The following PRKDC variants were observed in gnomAD, a reference collection of about 807,000 sequenced individuals.
PRKDC encodes the protein DNA-dependent protein kinase catalytic subunit.
A neutral mutation model predicts 486.9 loss-of-function variants in PRKDC; 82 were observed. The observed-to-expected ratio is 0.17, with a 90% CI of 0.14 to 0.20. The LOEUF is 0.20. Ranked by LOEUF, PRKDC falls within the 10% of genes least tolerant of loss-of-function variation. PRKDC has a pLI of 1.00. For synonymous variants in PRKDC, 1,895 were observed against 1,837.0 expected, an observed-to-expected ratio of 1.03 and a Z score of -0.81; for missense variants, 4,504 against 5,038.2, an observed-to-expected ratio of 0.89 and a Z score of 3.21.
chr8:47,892,376 G>C (rs532942610), intron 31 of PRKDC, among the ~76,000 whole-genome samples: 1 of 152,182 alleles, frequency 6.6e-6, no homozygotes, highest in East Asian at 1.9e-4. Context: ...TATCGCCCAG[G>C]CTAGAGTACA....
In PRKDC at chr8:47,782,916, C is replaced by T. The variant is rs2154497535; in HGVS notation, c.11176-318G>A. The T allele has an allele frequency of 2.7e-6, 1 of 369,790 alleles. No homozygotes were observed. The highest frequency in any genetic ancestry group is 5.0e-6 in the Non-Finnish European group (1 of 199,418). 22.9% of individuals were successfully genotyped at this position (369,790 alleles called of 1,614,324 possible). A position where few individuals can be genotyped will look rare whatever the true frequency, so the allele number is the denominator to read the frequency against. On this transcript the variant is annotated intron_variant, in intron 78 of 85. Transcript: ENST00000314191. The surrounding 1 kb of genome is among the most constrained non-coding windows in gnomAD (Gnocchi z 4.9). ...ATATTTTATAGTGGATACTCACACA[C>T]AGCTTACTCTTTGAGTTTATGATAT...
chr8:47,929,970 C>A lies in PRKDC; in HGVS notation c.1935G>T (p.Trp645Cys), dbSNP rs562724337. ...TTAATTCATATGAAAATGAGTACAC[C>A]CATGGTTCAAAAAATTCTGCTTGTT... The part of the protein sequence containing the change: ...PEKQAEFFEP[W>C]VYSFSYELIL... Residue 645 changes from tryptophan to cysteine, a missense_variant, in exon 18 of 86, where the codon TGG becomes TGT. By Grantham distance (215) the Trp-to-Cys change is radical (BLOSUM62 -2). This residue lies in a region of PRKDC where 1,969 missense variants were observed against 2,068.9 expected (regional missense o/e 0.95). Transcript: ENST00000314191. 10 of 1,607,580 alleles carry A rather than the reference C, an allele frequency of 6.2e-6. No individual in the cohort carries two copies. Among genetic ancestry groups the A allele is most frequent in the Non-Finnish European group, 8.5e-6 (10 of 1,178,042 alleles).
Position 47,955,963 on chromosome 8 carries a change from A to C in PRKDC, c.325-15T>G, listed in dbSNP as rs1563824072. On this transcript the variant is annotated splice_polypyrimidine_tract_variant and intron_variant, in intron 3 of 85. Coordinates refer to ENST00000314191, the MANE Select transcript of PRKDC (RefSeq NM_006904.7). ...GTACAAGTGTTCTAGGTTTTAAAAAAAAAATAACCAAAATCATCAATAAGA... is the reference window on the plus strand; with the variant it reads ...GTACAAGTGTTCTAGGTTTTAAAAACAAAATAACCAAAATCATCAATAAGA... 9 of 1,521,712 alleles carry C rather than the reference A, an allele frequency of 5.9e-6. No individual in the cohort carries two copies. Among genetic ancestry groups the C allele is most frequent in the Non-Finnish European group, 8.1e-6 (9 of 1,113,872 alleles). The allele number at this position is 1,521,712 out of a possible 1,614,324, so 94.3% of individuals were successfully genotyped here.
chr8:47,908,803 C>T (rs2089841313), intron 25 of PRKDC, among the ~76,000 whole-genome samples: 1 of 152,182 alleles, frequency 6.6e-6, no homozygotes, highest in South Asian at 2.1e-4. Context: ...TATACACAGA[C>T]AGATATGCTA....
rs2154500191 is a variant in PRKDC, at chr8:47,849,227, A to C, written c.7207T>G (p.Cys2403Gly). 9.3e-6 allele frequency: 15 copies of C among 1,614,028 alleles called. No individual in the cohort carries two copies. Among genetic ancestry groups the C allele is most frequent in the Non-Finnish European group, 1.3e-5 (15 of 1,179,902 alleles). The part of the protein sequence containing the change: ...LKTLCLEVVL[C>G]RVEGMTELYF... Reference sequence around the variant, plus strand: ...AGCTCTGTCATTCCCTCCACACGACAAAGTACCACCTCCAGACAGAGTGTT... The same window carrying C: ...AGCTCTGTCATTCCCTCCACACGACCAAGTACCACCTCCAGACAGAGTGTT... Residue 2403 changes from cysteine (C) to glycine (G), a missense_variant, in exon 54 of 86, where the codon TGT becomes GGT. This residue lies in a region of PRKDC where 1,592 missense variants were observed against 1,724.6 expected (regional missense o/e 0.92). Coordinates refer to ENST00000314191, the MANE Select transcript of PRKDC (RefSeq NM_006904.7).
intron 71 of PRKDC, among the ~76,000 whole-genome samples, chr8:47,800,227 G>C (rs1338585829): frequency 2.0e-5 from 3 of 151,846 alleles, no homozygotes; most frequent in Non-Finnish European, 4.4e-5. Context: ...AACAATGATA[G>C]ACTGGATTAA....
chr8:47,794,493 G>A lies in PRKDC; in HGVS notation c.10467C>T (p.Ser3489=), dbSNP rs760537334. 41 of 1,607,252 alleles carry A rather than the reference G, an allele frequency of 2.6e-5. No individual in the cohort carries two copies. Among genetic ancestry groups the A allele is most frequent in the Admixed American group, 1.8e-4 (11 of 59,844 alleles). Residue 3489 remains serine, a synonymous_variant, in exon 74 of 86, where the codon TCC becomes TCT. Coordinates refer to ENST00000314191, the MANE Select transcript of PRKDC (RefSeq NM_006904.7). ...AGCTGATGAACTGCCAGCAGGGAAC[G>A]GAAGAGATCTAAAACAGAGAGCTGA... is the stretch of plus-strand genomic sequence containing the variant. ...TLSLMTKEIS[S]VPCWQFISWI...
At chr8:47,774,497 G>GA in intron 85 of PRKDC, 120 bp from the exon 86 acceptor site, 2 of 961,160 alleles carry the variant, frequency 2.1e-6, no homozygotes, top group Non-Finnish European at 3.0e-6. Context: ...TATTTTCTGT[G>GA]GCTTATAACC....
At chr8:47,957,535 G>A in intron 1 of PRKDC, 104 bp from the exon 2 acceptor site, 2 of 979,450 alleles carry the variant, frequency 2.0e-6, no homozygotes, top group Non-Finnish European at 3.0e-6. Flanking sequence ...TTTTGAGATG[G>A]AGTCTCGCTC....
At position 47,824,894 on chromosome 8, in the gene PRKDC, C is replaced by G. The variant is rs547656857; in HGVS notation, c.8784-898G>C. Among the ~76,000 whole-genome samples the G allele has an allele frequency of 2.5e-4, 38 of 152,322 alleles. No homozygotes were observed. The South Asian group carries it at 7.7e-3, about 31-fold the overall frequency. The stretch of plus-strand genomic sequence containing the variant: ...GCCAAGGACTGCTCCCTCCTTAGTT[C>G]TCCTGCTGTTCAGTTCCCTTCTGGG... On this transcript the variant is annotated intron_variant, in intron 63 of 85. Transcript: ENST00000314191.
Position 47,897,285 on chromosome 8 carries a change from T to C in PRKDC, c.3474A>G (p.Pro1158=). The part of the protein sequence containing the change: ...AKKRRLPRGF[P]PSASLCLLDL... Reference sequence around the variant, plus strand: ...CCAATAAACACAATGATGCGGAAGGTGGAAATCCTCTGCACAGAGACAGCA... The same window carrying C: ...CCAATAAACACAATGATGCGGAAGGCGGAAATCCTCTGCACAGAGACAGCA... The change falls in exon 30 of 86, where the codon CCA becomes CCG. Residue 1158 remains proline (P), a synonymous_variant. Coordinates refer to ENST00000314191, the MANE Select transcript of PRKDC (RefSeq NM_006904.7). 1.3e-6 allele frequency: 2 copies of C among 1,591,020 alleles called. No homozygotes were observed. Among genetic ancestry groups the C allele is most frequent in the African/African-American group, 1.3e-5 (1 of 74,750 alleles).
intron 44 of PRKDC, among the ~76,000 whole-genome samples, chr8:47,861,503 T>C (rs935190217): frequency 3.9e-5 from 6 of 152,178 alleles, no homozygotes; most frequent in Admixed American, 1.3e-4. Flanking sequence ...TAAGACATGG[T>C]AGAGGTCAGC....
chr8:47,933,871 G>T, intron 15 of PRKDC, 94 bp downstream of exon 15: 1 of 1,315,088 alleles, frequency 7.6e-7, no homozygotes, highest in Non-Finnish European at 1.0e-6. Flanking sequence ...TTGAAAGTTA[G>T]TAAAATATAA....
intron 16 of PRKDC, among the ~76,000 whole-genome samples, chr8:47,931,582 C>T (rs1299811703): frequency 6.6e-6 from 1 of 152,066 alleles, no homozygotes; most frequent in African/African-American, 2.4e-5. Context: ...TACCTATCAT[C>T]CCGCATGAAA....
chr8:47,793,683 T>TAAAAAAAAAAAAAAAA (rs397892514), intron 74 of PRKDC, among the ~76,000 whole-genome samples: 2 of 72,810 alleles, frequency 2.7e-5, no homozygotes, highest in Admixed American at 1.5e-4. Context: ...TTAAAAAAAC[T>TAAAAAAAAAAAAAAAA]AAAAAAAAAA....
intron 27 of PRKDC, 125 bp from the exon 28 acceptor site, chr8:47,900,592 T>G: frequency 1.3e-6 from 1 of 789,162 alleles, no homozygotes; most frequent in Non-Finnish European, 1.9e-6. Flanking sequence ...CCGGGTGCGG[T>G]GGCTCACGCC....
intron 3 of PRKDC, among the ~76,000 whole-genome samples, chr8:47,956,543 A>AG (rs2090704272): frequency 1.3e-5 from 2 of 151,820 alleles, no homozygotes; most frequent in Admixed American, 1.3e-4. Flanking sequence ...AAAAAAAAAA[A>AG]AAATACAAAA....
intron 37 of PRKDC, 150 bp from the exon 38 acceptor site, chr8:47,881,670 G>T (rs956871988): frequency 3.3e-6 from 2 of 615,000 alleles, no homozygotes; most frequent in Non-Finnish European, 5.5e-6. Context: ...GTAAAACATT[G>T]TAATACTATC....
chr8:47,834,319 A>G lies in PRKDC; in HGVS notation c.8029T>C (p.Ser2677Pro). The change falls in exon 59 of 86, where the codon TCC becomes CCC. Residue 2677 changes from serine (S) to proline (P), a missense_variant. Coordinates refer to ENST00000314191, the MANE Select transcript of PRKDC (RefSeq NM_006904.7). ...LVDHTSPSSD[S>P]LLFAHKRSER... ...CTCCTCTTGTGGGCAAACAGCAAGG[A>G]GTCAGATGAGGGACTGGTGTGGTCG... is the stretch of plus-strand genomic sequence containing the variant. 1 of 1,614,018 alleles carries G rather than the reference A, an allele frequency of 6.2e-7. No individual in the cohort carries two copies. The highest frequency in any genetic ancestry group is 8.5e-7 in the Non-Finnish European group (1 of 1,179,902).
Sources: gnomAD v4.1 joint callset for allele counts (sites outside exome capture counted in the v4.1 genomes callset) on GRCh38, gnomAD v4.1.1 for gene constraint, gnomAD v4.1.1 regional missense constraint, Gnocchi (gnomAD v3.1) non-coding constraint, MANE v1.5 for transcripts, NCBI Gene and HGNC (gene_info 2026-07-23, HGNC 2026-07-21) for gene names.